The following SAXO2 variants were observed in gnomAD, a reference collection of about 807,000 sequenced individuals.
The protein encoded by SAXO2 is stabilizer of axonemal microtubules 2, also known as family with sequence similarity 154, member B.
SAXO2 carries 17 observed loss-of-function variants against 18.7 expected under a neutral mutation model. The observed-to-expected ratio is 0.91, with a 90% CI of 0.62 to 1.36. The LOEUF (loss-of-function observed/expected upper bound fraction) is 1.36, where lower values mean the gene tolerates loss of function less well. SAXO2 is among the 40% of genes most tolerant of loss of function. The probability of loss-of-function intolerance (pLI) is 0.00; values close to 1 mark genes in which losing one functional copy is unlikely to be tolerated. For missense variants in SAXO2, 486 were observed against 562.6 expected, an observed-to-expected ratio of 0.86 and a Z score of 1.38; for synonymous variants, 163 against 181.2, an observed-to-expected ratio of 0.90 and a Z score of 0.81.
At chr15:82,264,032 C>T (rs1478806824) in intron 1 of SAXO2, among the ~76,000 whole-genome samples, 2 of 149,374 alleles carry the variant, frequency 1.3e-5, no homozygotes, top group Admixed American at 6.7e-5. Flanking sequence ...CCACAGATAA[C>T]AAATGTTCTT....
intron 3 of SAXO2, among the ~76,000 whole-genome samples, chr15:82,279,870 T>C (rs752318055): frequency 6.6e-6 from 1 of 152,184 alleles, no homozygotes; most frequent in Non-Finnish European, 1.5e-5. Flanking sequence ...GGCAAGTGCA[T>C]GCAGGCACTT....
At chr15:82,273,901 C>T (rs143587934) in intron 3 of SAXO2, among the ~76,000 whole-genome samples, 2 of 151,884 alleles carry the variant, frequency 1.3e-5, no homozygotes, top group Admixed American at 1.3e-4. Flanking sequence ...CCACGCCTGG[C>T]TAATTTTTGT....
Position 82,262,852 on chromosome 15 carries a change from C to T in SAXO2, c.-28C>T. 1 of 1,569,624 alleles carries T rather than the reference C, an allele frequency of 6.4e-7. No individual in the cohort carries two copies. The highest frequency in any genetic ancestry group is 8.6e-7 in the Non-Finnish European group (1 of 1,157,730). ...GGGCGCTGTGGGAGTGGAGAAGCTG[C>T]AAGTGCTGAGGCGCGGTGGAGGAAA... is the stretch of plus-strand genomic sequence containing the variant. On this transcript the variant is annotated 5_prime_UTR_variant, in exon 1 of 4. Transcript: ENST00000682753.
chr15:82,282,629 A>G lies in SAXO2; in HGVS notation c.944A>G (p.Tyr315Cys), dbSNP rs146209921. ...TTAAACAGCACAAGCCATCTTGACT[A>G]TGTTCCATATCAGGCCAACCATGTT... ...MLLNSTSHLD[Y>C]VPYQANHVVP... The change falls in exon 4 of 4, where the codon TAT (tyrosine) becomes TGT (cysteine). Residue 315 changes from tyrosine (Y) to cysteine (C), a missense_variant. Physicochemically the swap from Tyr to Cys is radical, Grantham distance 194 (BLOSUM62 -2). Transcript: ENST00000682753. 10 of 1,614,202 alleles carry G rather than the reference A, an allele frequency of 6.2e-6. No homozygotes were observed. In the African/African-American group the frequency reaches 9.3e-5, roughly 15 times the overall value.
chr15:82,279,153 G>C (rs1419870356), intron 3 of SAXO2, among the ~76,000 whole-genome samples: 5 of 152,094 alleles, frequency 3.3e-5, no homozygotes, highest in Non-Finnish European at 7.4e-5. Flanking sequence ...TAAATGAAAA[G>C]AGAGAAGACA....
intron 3 of SAXO2, among the ~76,000 whole-genome samples, chr15:82,279,572 G>A (rs898068786): frequency 1.3e-5 from 2 of 152,138 alleles, no homozygotes; most frequent in African/African-American, 4.8e-5. Flanking sequence ...TTTGAAGGGA[G>A]GTCTGAAGTA....
rs540676012 is a variant in SAXO2 at position 82,265,487 on chromosome 15, G to A, written c.54-82G>A. Reference sequence around the variant, plus strand: ...AAGCTCTAGAATTTAGAAATTGTGAGTTTATTAGAGGTCTCTGATTAAAAC... The same window carrying A: ...AAGCTCTAGAATTTAGAAATTGTGAATTTATTAGAGGTCTCTGATTAAAAC... On this transcript the variant is annotated intron_variant, in intron 1 of 3. Transcript: ENST00000682753. 1.6e-5 allele frequency: 17 copies of A among 1,064,508 alleles called. No individual in the cohort carries two copies. In the African/African-American group the frequency reaches 2.5e-4, roughly 16 times the overall value. The allele number at this position is 1,064,508 out of a possible 1,614,324, so 65.9% of individuals were successfully genotyped here.
At chr15:82,275,407 A>G (rs181638882) in intron 3 of SAXO2, among the ~76,000 whole-genome samples, 28 of 149,876 alleles carry the variant, frequency 1.9e-4, no homozygotes, top group Admixed American at 1.4e-3. Flanking sequence ...AGGAAGAAGG[A>G]CTCCTCCCTG....
intron 1 of SAXO2, 102 bp downstream of exon 1, chr15:82,263,034 C>A: frequency 6.5e-7 from 1 of 1,535,700 alleles, no homozygotes; most frequent in South Asian, 1.2e-5. Flanking sequence ...TGGCCGTCCC[C>A]CGGAGATGAA....
chr15:82,273,736 T>G (rs2075291993), intron 3 of SAXO2, among the ~76,000 whole-genome samples: 1 of 151,976 alleles, frequency 6.6e-6, no homozygotes, highest in South Asian at 2.1e-4. Flanking sequence ...ATGAATTTGT[T>G]CTTTTTTTGT....
chr15:82,263,135 G>C (rs2075154815), intron 1 of SAXO2: 2 of 1,467,112 alleles, frequency 1.4e-6, no homozygotes, highest in Non-Finnish European at 1.8e-6. Flanking sequence ...ACGTTTGTTC[G>C]TAGCCCCTGA....
At chr15:82,280,206 C>G in intron 3 of SAXO2, among the ~76,000 whole-genome samples, 1 of 152,058 alleles carries the variant, frequency 6.6e-6, no homozygotes, top group Non-Finnish European at 1.5e-5. Context: ...TTATGTAGAA[C>G]TTACATTCAT....
rs1293190783 is a variant in SAXO2 at position 82,272,612 on chromosome 15, G to A, written c.433+810G>A. Reference sequence around the variant, plus strand: ...GCTGGAGTGCAGTGGCACGATCTTGGCCCACTGCAACCTCCACCTCCTGGG... The same window carrying A: ...GCTGGAGTGCAGTGGCACGATCTTGACCCACTGCAACCTCCACCTCCTGGG... On this transcript the variant is annotated intron_variant, in intron 3 of 3. Transcript: ENST00000682753. 5.9e-5 allele frequency among the ~76,000 whole-genome samples: 9 copies of A among 152,050 alleles called. 1 individual carries two copies. The highest frequency in any genetic ancestry group is 5.9e-4 in the Admixed American group (9 of 15,252).
intron 2 of SAXO2, among the ~76,000 whole-genome samples, chr15:82,269,525 G>C (rs986792696): frequency 6.6e-6 from 1 of 152,188 alleles, no homozygotes; most frequent in Non-Finnish European, 1.5e-5. Flanking sequence ...CATGTTCAGT[G>C]TTGTCTATGT....
intron 3 of SAXO2, chr15:82,272,023 C>T (rs1271393403): frequency 2.3e-6 from 1 of 441,752 alleles, no homozygotes. Context: ...CATCCAAATT[C>T]ATCTACTTTG....
In SAXO2 at chr15:82,264,683, A is replaced by T. The variant is rs1327262900; in HGVS notation, c.54-886A>T. On this transcript the variant is annotated intron_variant, in intron 1 of 3. Transcript: ENST00000682753. ...AAAATTTTACCACAGACCAGGACTG[A>T]CAAGGGAGCCACTGCCTCTGCCATA... 7 of 702,260 alleles carry T rather than the reference A, an allele frequency of 1.0e-5. No homozygotes were observed. In the African/African-American group the frequency reaches 1.0e-4, roughly 11 times the overall value. The allele number at this position is 702,260 out of a possible 1,614,324, so 43.5% of individuals were successfully genotyped here.
rs528628746 is a variant in SAXO2, at chr15:82,272,617, C to A, written c.433+815C>A. Among the ~76,000 whole-genome samples, 43 of 152,304 alleles carry A rather than the reference C, an allele frequency of 2.8e-4. No homozygotes were observed. In the South Asian group the frequency reaches 8.7e-3, roughly 31 times the overall value. On this transcript the variant is annotated intron_variant, in intron 3 of 3. Coordinates refer to ENST00000682753, the MANE Select transcript of SAXO2 (RefSeq NM_001348699.2). Reference sequence around the variant, plus strand: ...AGTGCAGTGGCACGATCTTGGCCCACTGCAACCTCCACCTCCTGGGTTAAA... The same window carrying A: ...AGTGCAGTGGCACGATCTTGGCCCAATGCAACCTCCACCTCCTGGGTTAAA...
chr15:82,278,218 T>G (rs1376090399), intron 3 of SAXO2, among the ~76,000 whole-genome samples: 2 of 152,158 alleles, frequency 1.3e-5, no homozygotes, highest in Non-Finnish European at 2.9e-5. Context: ...AACAGGAAAC[T>G]GTCTTGGGAC....
At position 82,276,450 on chromosome 15, in the gene SAXO2, C is replaced by T. The variant is rs2075316212; in HGVS notation, c.433+4648C>T. On this transcript the variant is annotated intron_variant, in intron 3 of 3. Coordinates refer to ENST00000682753, the MANE Select transcript of SAXO2 (RefSeq NM_001348699.2). ...CCAGAGGCATTACATCTCCTGACTT[C>T]AAACTATACTACAAAGTTACAGTAA... Among the ~76,000 whole-genome samples the T allele has an allele frequency of 2.6e-5, 4 of 152,124 alleles. No individual in the cohort carries two copies. The South Asian group carries it at 8.3e-4, about 31-fold the overall frequency.
Sources: gnomAD v4.1 joint callset for allele counts (sites outside exome capture counted in the v4.1 genomes callset) on GRCh38, gnomAD v4.1.1 for gene constraint, MANE v1.5 for transcripts, NCBI Gene and HGNC (gene_info 2026-07-23, HGNC 2026-07-21) for gene names.